ARFIP1: variants seen among roughly 807,000 people sequenced by gnomAD.
ARFIP1 encodes ARF interacting protein 1, also known as arfaptin-1.
In ARFIP1, 24 loss-of-function variants were observed where a neutral mutation model predicts 42.5. The observed-to-expected ratio is 0.57, with a 90% CI of 0.41 to 0.80. The LOEUF (loss-of-function observed/expected upper bound fraction) is 0.80. ARFIP1 is among the 30% of genes least tolerant of loss of function. The pLI is 0.00. For synonymous variants in ARFIP1, 141 were observed against 153.7 expected (o/e 0.92, Z 0.61); for missense variants, 354 against 434.0 (o/e 0.82, Z 1.64).
chr4:152,899,444 A>T lies in ARFIP1; in HGVS notation c.967-10620A>T, dbSNP rs147315100. Among the ~76,000 whole-genome samples the T allele has an allele frequency of 9.2e-5, 14 of 152,352 alleles. No homozygotes were observed. The East Asian group carries it at 2.5e-3, about 27-fold the overall frequency. On this transcript the variant is annotated intron_variant, in intron 8 of 8. Transcript: ENST00000353617. ...ATTGTCAAACTTCTCTGTTAGGTTAATAACGATCTCCCAACTTTTTTTGAG... is the reference window on the plus strand; with the variant it reads ...ATTGTCAAACTTCTCTGTTAGGTTATTAACGATCTCCCAACTTTTTTTGAG...
intron 2 of ARFIP1, among the ~76,000 whole-genome samples, chr4:152,848,337 T>G (rs978265762): frequency 1.3e-5 from 2 of 152,208 alleles, no homozygotes; most frequent in East Asian, 3.8e-4. Flanking sequence ...TGAATGTTTA[T>G]TCACGTAAGA....
intron 1 of ARFIP1, among the ~76,000 whole-genome samples, chr4:152,818,854 C>T (rs1347530214): frequency 6.6e-6 from 1 of 152,154 alleles, no homozygotes; most frequent in Non-Finnish European, 1.5e-5. Context: ...CTGCCTGCAA[C>T]CCCTCCTTCC....
chr4:152,875,888 C>T (rs1001671907), intron 5 of ARFIP1, among the ~76,000 whole-genome samples: 6 of 152,054 alleles, frequency 3.9e-5, no homozygotes, highest in East Asian at 1.9e-4. Flanking sequence ...ATGCTATTCT[C>T]GTGATAGTGA....
At chr4:152,908,407 C>T (rs59092007) in intron 8 of ARFIP1, among the ~76,000 whole-genome samples, 1,817 of 152,222 alleles carry the variant, frequency 0.012, 41 homozygotes, top group African/African-American at 0.041. Flanking sequence ...GGGCAGATCA[C>T]GAGACGGTCT....
intron 2 of ARFIP1, among the ~76,000 whole-genome samples, chr4:152,863,404 A>G (rs1203246961): frequency 6.6e-6 from 1 of 152,250 alleles, no homozygotes; most frequent in African/African-American, 2.4e-5. Context: ...TATGTGATGT[A>G]CACAATACCA....
At chr4:152,834,073 A>T (rs1731454722) in intron 2 of ARFIP1, among the ~76,000 whole-genome samples, 1 of 152,152 alleles carries the variant, frequency 6.6e-6, no homozygotes, top group Non-Finnish European at 1.5e-5. Flanking sequence ...AGAGGGAGCA[A>T]GAGAGAAAAG....
At chr4:152,815,946 G>C (rs369173900) in intron 1 of ARFIP1, among the ~76,000 whole-genome samples, 4 of 151,624 alleles carry the variant, frequency 2.6e-5, no homozygotes, top group African/African-American at 7.3e-5. Context: ...GGGTTTCACC[G>C]TTTTAGCCGG....
chr4:152,865,138 C>T lies in ARFIP1; in HGVS notation c.202+1424C>T, dbSNP rs570224367. Among the ~76,000 whole-genome samples, 12 of 149,902 alleles carry T rather than the reference C, an allele frequency of 8.0e-5. No homozygotes were observed. The South Asian group carries it at 2.4e-3, about 30-fold the overall frequency. ...TAGCCCTCATGCAGATATTAGTATTCTGTATTTTTTTTTTTTAAAGATGTA... is the reference window on the plus strand; with the variant it reads ...TAGCCCTCATGCAGATATTAGTATTTTGTATTTTTTTTTTTTAAAGATGTA... On this transcript the variant is annotated intron_variant, in intron 3 of 8. Coordinates refer to ENST00000353617, the MANE Select transcript of ARFIP1 (RefSeq NM_001025595.3).
At chr4:152,782,223 GGTGTGTGTGTGTGTGTGTGT>G (rs71598214) in intron 1 of ARFIP1, among the ~76,000 whole-genome samples, 13 of 148,666 alleles carry the variant, frequency 8.7e-5, no homozygotes, top group Middle Eastern at 3.4e-3. Flanking sequence ...AACAGGTAGG[GGTGTGTGTGTGTGTGTGTGT>G]GTGTGTGTGT....
At chr4:152,862,595 T>A (rs1332076323) in intron 2 of ARFIP1, among the ~76,000 whole-genome samples, 1 of 152,214 alleles carries the variant, frequency 6.6e-6, no homozygotes, top group East Asian at 1.9e-4. Flanking sequence ...ATCTAAAATC[T>A]GCTATCTTAA....
chr4:152,802,506 A>G (rs1242616303), intron 1 of ARFIP1, among the ~76,000 whole-genome samples: 1 of 152,178 alleles, frequency 6.6e-6, no homozygotes, highest in Non-Finnish European at 1.5e-5. Flanking sequence ...TTTTTATTGC[A>G]TTTTCAAATA....
intron 1 of ARFIP1, among the ~76,000 whole-genome samples, chr4:152,797,497 T>C (rs1301443101): frequency 6.6e-6 from 1 of 152,204 alleles, no homozygotes; most frequent in Non-Finnish European, 1.5e-5. Flanking sequence ...ACAAAATAGC[T>C]TGTTAGTATT....
chr4:152,878,424 C>A (rs1735545610), intron 5 of ARFIP1, among the ~76,000 whole-genome samples: 1 of 152,166 alleles, frequency 6.6e-6, no homozygotes, highest in Non-Finnish European at 1.5e-5. Context: ...AAGACACTTC[C>A]TCTAGGACCC....
intron 1 of ARFIP1, among the ~76,000 whole-genome samples, chr4:152,794,965 C>T (rs1224332317): frequency 6.6e-6 from 1 of 152,058 alleles, no homozygotes; most frequent in Non-Finnish European, 1.5e-5. Context: ...TTTCTGACAC[C>T]ATGTCAGCAT....
chr4:152,833,474 AG>A (rs1305340023), intron 2 of ARFIP1, among the ~76,000 whole-genome samples: 9 of 152,232 alleles, frequency 5.9e-5, no homozygotes, highest in Non-Finnish European at 1.3e-4. Context: ...AAAAAATTAA[AG>A]TAGAACGACC....
chr4:152,857,686 A>G (rs1020266960), intron 2 of ARFIP1, among the ~76,000 whole-genome samples: 16 of 152,320 alleles, frequency 1.1e-4, no homozygotes, highest in Middle Eastern at 3.4e-3. Context: ...CTCTGTTCAC[A>G]ATTTATCTCA....
In ARFIP1 at chr4:152,912,288, A is replaced by C. The variant is rs1049283415; in HGVS notation, c.*2069A>C. 6.6e-6 allele frequency: 1 copy of C among 152,200 alleles called. No homozygotes were observed. The highest frequency in any genetic ancestry group is 1.5e-5 in the Non-Finnish European group (1 of 68,012). The allele number at this position is 152,200 out of a possible 1,614,324, so 9.4% of individuals were successfully genotyped here. On this transcript the variant is annotated 3_prime_UTR_variant, in exon 9 of 9. Transcript: ENST00000353617. Reference sequence around the variant, plus strand: ...TTTATGTTCATTATAGAAAAGAATTAGAAGAAAATTTCAAGTAATAGAAGA... The same window carrying C: ...TTTATGTTCATTATAGAAAAGAATTCGAAGAAAATTTCAAGTAATAGAAGA...
chr4:152,867,181 G>A (rs181085108), intron 3 of ARFIP1, among the ~76,000 whole-genome samples: 3 of 152,142 alleles, frequency 2.0e-5, no homozygotes, highest in South Asian at 2.1e-4. Context: ...CCGAGATCAC[G>A]CCACTGCACT....
At chr4:152,791,649 G>A (rs1731150335) in intron 1 of ARFIP1, among the ~76,000 whole-genome samples, 1 of 152,020 alleles carries the variant, frequency 6.6e-6, no homozygotes, top group Non-Finnish European at 1.5e-5. Context: ...TTATTTTGAG[G>A]TGAGAATTTT....
Sources: gnomAD v4.1 joint callset for allele counts (sites outside exome capture counted in the v4.1 genomes callset) on GRCh38, gnomAD v4.1.1 for gene constraint, MANE v1.5 for transcripts, NCBI Gene and HGNC (gene_info 2026-07-23, HGNC 2026-07-21) for gene names.